GABPB2: variants seen among roughly 807,000 people sequenced by gnomAD.
GABPB2 encodes GA binding protein transcription factor subunit beta 2.
GABPB2 carries 23 observed loss-of-function variants against 39.1 expected under a neutral mutation model. That is an observed-to-expected ratio of 0.59 (90% CI 0.42 to 0.83). The LOEUF is 0.83. Among genes scored for constraint, GABPB2 ranks in the 40% least tolerant of loss-of-function variants. The pLI is 0.00. For synonymous variants in GABPB2, 184 were observed against 199.3 expected (o/e 0.92, Z 0.65); for missense variants, 467 against 541.1 (o/e 0.86, Z 1.36).
intron 1 of GABPB2, among the ~76,000 whole-genome samples, chr1:151,072,529 A>G (rs1046149941): frequency 2.6e-5 from 4 of 151,694 alleles, no homozygotes; most frequent in African/African-American, 7.3e-5. Flanking sequence ...AGCCTGGACC[A>G]CAGAGTGAGG....
chr1:151,073,617 A>G (rs186241634), intron 1 of GABPB2, among the ~76,000 whole-genome samples: 68 of 152,200 alleles, frequency 4.5e-4, no homozygotes, highest in African/African-American at 1.6e-3. Context: ...AAGTGAAAGC[A>G]AGTTGCTTGA....
At chr1:151,082,388 A>ATTTTTT (rs1558128810) in intron 1 of GABPB2, among the ~76,000 whole-genome samples, 1 of 124,546 alleles carries the variant, frequency 8.0e-6, no homozygotes, top group African/African-American at 3.1e-5. Context: ...ACAAGTGGTA[A>ATTTTTT]TTTCTTTTTT....
intron 2 of GABPB2, among the ~76,000 whole-genome samples, chr1:151,089,285 TATAA>T (rs1228380567): frequency 6.6e-6 from 1 of 152,186 alleles, no homozygotes; most frequent in Non-Finnish European, 1.5e-5. Flanking sequence ...TTAGCATTTC[TATAA>T]ATAGACCTGG....
intron 2 of GABPB2, 195 bp downstream of exon 2, chr1:151,088,492 G>T (rs1363300349): frequency 7.7e-7 from 1 of 1,303,576 alleles, no homozygotes; most frequent in Non-Finnish European, 1.0e-6. Flanking sequence ...AGAGTCTCCT[G>T]TGGATATATA....
At position 151,105,356 on chromosome 1, in the gene GABPB2, G is replaced by A. The variant is rs190494288; in HGVS notation, c.736+1681G>A. 6.6e-4 allele frequency among the ~76,000 whole-genome samples: 99 copies of A among 150,078 alleles called. 1 individual carries two copies. The highest frequency in any genetic ancestry group is 6.3e-4 in the South Asian group (3 of 4,782). ...ATAGAATGGTACCTGGCACATAAGC[G>A]TTGGCTATTTTATATATATATGTGT... is the stretch of plus-strand genomic sequence containing the variant. On this transcript the variant is annotated intron_variant, in intron 6 of 8. Coordinates refer to ENST00000368918, the MANE Select transcript of GABPB2 (RefSeq NM_144618.3).
chr1:151,108,969 T>C (rs1680174159), intron 7 of GABPB2, among the ~76,000 whole-genome samples: 1 of 152,050 alleles, frequency 6.6e-6, no homozygotes, highest in Non-Finnish European at 1.5e-5. Context: ...GGAGGATTGC[T>C]TGAGACCAAG....
In GABPB2 at chr1:151,077,456, A is replaced by G. The variant is rs1677270224; in HGVS notation, c.-1+6522A>G. Among the ~76,000 whole-genome samples the G allele has an allele frequency of 2.1e-5, 3 of 144,998 alleles. No individual in the cohort carries two copies. The South Asian group carries it at 6.5e-4, about 31-fold the overall frequency. On this transcript the variant is annotated intron_variant, in intron 1 of 8. Coordinates refer to ENST00000368918, the MANE Select transcript of GABPB2 (RefSeq NM_144618.3). Reference sequence around the variant, plus strand: ...ACTGCAGCCTCTACCTCCCGGATTCAAGTGATTCTTCTGCCTCAGCCTCCT... The same window carrying G: ...ACTGCAGCCTCTACCTCCCGGATTCGAGTGATTCTTCTGCCTCAGCCTCCT...
chr1:151,087,917 C>G (rs934143127), intron 1 of GABPB2, among the ~76,000 whole-genome samples: 1 of 152,020 alleles, frequency 6.6e-6, no homozygotes, highest in African/African-American at 2.4e-5. Context: ...TTATCGATTC[C>G]TTAAACTAGA....
At chr1:151,117,076 C>T (rs1323961445) in intron 7 of GABPB2, among the ~76,000 whole-genome samples, 1 of 152,102 alleles carries the variant, frequency 6.6e-6, no homozygotes, top group Non-Finnish European at 1.5e-5. Context: ...TTTTGTTTCT[C>T]CCTGAAGGGC....
In GABPB2 at chr1:151,118,376, G is replaced by T; in HGVS notation, c.*120G>T. 2.1e-6 allele frequency: 2 copies of T among 951,912 alleles called. No homozygotes were observed. The highest frequency in any genetic ancestry group is 3.0e-6 in the Non-Finnish European group (2 of 655,778). 59.0% of individuals were successfully genotyped at this position (951,912 alleles called of 1,614,324 possible). On this transcript the variant is annotated 3_prime_UTR_variant, in exon 9 of 9. Coordinates refer to ENST00000368918, the MANE Select transcript of GABPB2 (RefSeq NM_144618.3). ...TCTTTAAGAAGAAAACTATAGCAGG[G>T]TACAATGCTTGGGCTCAGGAAGTTT...
intron 1 of GABPB2, among the ~76,000 whole-genome samples, chr1:151,080,239 A>C (rs1211461148): frequency 4.0e-5 from 6 of 149,756 alleles, no homozygotes; most frequent in South Asian, 2.1e-4. Context: ...AAAAAAAAAA[A>C]AAAAACAATA....
At chr1:151,078,809 T>G (rs587615850) in intron 1 of GABPB2, among the ~76,000 whole-genome samples, 1 of 151,726 alleles carries the variant, frequency 6.6e-6, no homozygotes, top group Non-Finnish European at 1.5e-5. Context: ...CTGGCTAATT[T>G]TTGTATTTTT....
chr1:151,117,701 A>C (rs1331109053), intron 8 of GABPB2, among the ~76,000 whole-genome samples, 185 bp downstream of exon 8: 1 of 152,162 alleles, frequency 6.6e-6, no homozygotes. Context: ...CTCATGCCTC[A>C]GCCTCCTGAG....
chr1:151,090,549 G>A lies in GABPB2; in HGVS notation c.252G>A (p.Ala84=), dbSNP rs202056383. 6.5e-4 allele frequency: 1,045 copies of A among 1,613,986 alleles called. 1 individual carries two copies. Among genetic ancestry groups the A allele is most frequent in the East Asian group, 1.3e-3 (58 of 44,890 alleles). ...ACATGGCTGCAGCCGATGGACATGC[G>A]CACATCGTGGAACTGCTTGTTCGGG... ...PLHMAAADGH[A]HIVELLVRNG... The change falls in exon 3 of 9, where the codon GCG becomes GCA. Residue 84 remains alanine (A), a synonymous_variant. Transcript: ENST00000368918.
chr1:151,089,735 C>T (rs966790036), intron 2 of GABPB2, among the ~76,000 whole-genome samples: 3 of 152,040 alleles, frequency 2.0e-5, no homozygotes, highest in Non-Finnish European at 4.4e-5. Flanking sequence ...AGCAGTCCTC[C>T]TGCCTTGACC....
intron 1 of GABPB2, among the ~76,000 whole-genome samples, chr1:151,071,681 AGGCTG>A (rs1193445766): frequency 6.6e-6 from 1 of 152,122 alleles, no homozygotes; most frequent in Non-Finnish European, 1.5e-5. Flanking sequence ...CATGTTAGCC[AGGCTG>A]GTCTCGAACT....
chr1:151,079,432 C>T (rs998639515), intron 1 of GABPB2, among the ~76,000 whole-genome samples: 1 of 152,064 alleles, frequency 6.6e-6, no homozygotes, highest in Non-Finnish European at 1.5e-5. Context: ...ATCCCAGCTA[C>T]TCAGGAGGCG....
Position 151,121,182 on chromosome 1 carries a change from T to C in GABPB2, c.*2926T>C, listed in dbSNP as rs1041750554. 1 of 152,252 alleles carries C rather than the reference T, an allele frequency of 6.6e-6. No individual in the cohort carries two copies. Among genetic ancestry groups the C allele is most frequent in the African/African-American group, 2.4e-5 (1 of 41,470 alleles). The allele number at this position is 152,252 out of a possible 1,614,324, so 9.4% of individuals were successfully genotyped here. A position where few individuals can be genotyped will look rare whatever the true frequency, so the allele number is the denominator to read the frequency against. On this transcript the variant is annotated 3_prime_UTR_variant, in exon 9 of 9. Transcript: ENST00000368918. ...CAAAAAGGGGGTCGGAGGTAAATGC[T>C]GATGATGTTGTTTAGTTTTATTTCC...
intron 6 of GABPB2, among the ~76,000 whole-genome samples, chr1:151,104,814 C>CTTT (rs1402126253): frequency 1.8e-3 from 67 of 36,236 alleles, no homozygotes; most frequent in South Asian, 7.1e-3. Context: ...TTCTTTCTTT[C>CTTT]CTTTCTTTCT....
Sources: allele counts gnomAD v4.1 joint callset (sites outside exome capture counted in the v4.1 genomes callset), GRCh38; gene constraint gnomAD v4.1.1; transcripts MANE v1.5; gene names NCBI Gene and HGNC (gene_info 2026-07-23, HGNC 2026-07-21).